LHFPL3: variants seen among roughly 807,000 people sequenced by gnomAD.
LHFPL3 encodes the protein LHFPL tetraspan subfamily member 3.
In LHFPL3, 5 loss-of-function variants were observed where a neutral mutation model predicts 19.3. The ratio of observed to expected loss-of-function variants is 0.26; its 90% CI spans 0.14 to 0.54. The LOEUF (loss-of-function observed/expected upper bound fraction) is 0.54. Among genes scored for constraint, LHFPL3 ranks in the 20% least tolerant of loss-of-function variants. The pLI is 0.94. For missense variants in LHFPL3, 249 were observed against 307.4 expected, an observed-to-expected ratio of 0.81 and a Z score of 1.42; for synonymous variants, 133 against 126.2, an observed-to-expected ratio of 1.05 and a Z score of -0.36.
chr7:104,453,483 A>AAGAC (rs1344633562), intron 1 of LHFPL3, among the ~76,000 whole-genome samples: 1 of 152,166 alleles, frequency 6.6e-6, no homozygotes, highest in East Asian at 1.9e-4. Flanking sequence ...GTCCTTGAGA[A>AAGAC]AGACATTCCT....
intron 1 of LHFPL3, among the ~76,000 whole-genome samples, chr7:104,695,524 C>T (rs1350004880): frequency 1.3e-5 from 2 of 152,148 alleles, no homozygotes; most frequent in Non-Finnish European, 2.9e-5. Flanking sequence ...TGAACAGGAA[C>T]AAATATCCTA....
At chr7:104,460,292 A>G (rs763434549) in intron 1 of LHFPL3, among the ~76,000 whole-genome samples, 5 of 152,172 alleles carry the variant, frequency 3.3e-5, no homozygotes, top group Non-Finnish European at 5.9e-5. Context: ...GCTATTGTGA[A>G]TAGTACTACA....
At chr7:104,883,490 C>T (rs1397264155) in intron 2 of LHFPL3, among the ~76,000 whole-genome samples, 1 of 152,050 alleles carries the variant, frequency 6.6e-6, no homozygotes, top group Non-Finnish European at 1.5e-5. Flanking sequence ...AAAAGCAGGC[C>T]TAGTAGAATA....
intron 2 of LHFPL3, among the ~76,000 whole-genome samples, chr7:104,883,193 A>G (rs1232399216): frequency 6.6e-6 from 1 of 152,212 alleles, no homozygotes; most frequent in African/African-American, 2.4e-5. Flanking sequence ...CTCCCAAAGC[A>G]TTTTCTAACC....
chr7:104,524,186 C>T (rs187211844), intron 1 of LHFPL3, among the ~76,000 whole-genome samples: 1 of 152,186 alleles, frequency 6.6e-6, no homozygotes, highest in East Asian at 1.9e-4. Flanking sequence ...AGAAGTTAGA[C>T]AAGGCAAGAA....
chr7:104,429,361 G>A (rs1425317688), intron 1 of LHFPL3, among the ~76,000 whole-genome samples: 1 of 143,178 alleles, frequency 7.0e-6, no homozygotes, highest in Non-Finnish European at 1.5e-5. Context: ...AGGCTGGAGT[G>A]CAATGGTGCA....
intron 1 of LHFPL3, among the ~76,000 whole-genome samples, chr7:104,430,396 A>ATG (rs1791950423): frequency 9.4e-5 from 4 of 42,598 alleles, no homozygotes; most frequent in African/African-American, 7.9e-4. Context: ...ATATATATAT[A>ATG]TATATATACA....
intron 1 of LHFPL3, among the ~76,000 whole-genome samples, chr7:104,654,751 A>T (rs1436911825): frequency 6.6e-6 from 1 of 152,138 alleles, no homozygotes; most frequent in East Asian, 1.9e-4. Context: ...GAAAATGAAG[A>T]GCTGAGCAGT....
rs535155613 is a variant in LHFPL3, at chr7:104,676,313, A to C, written c.446-60362A>C. Among the ~76,000 whole-genome samples the C allele has an allele frequency of 6.4e-4, 97 of 152,360 alleles. No individual in the cohort carries two copies. The Middle Eastern group carries it at 0.01, about 16-fold the overall frequency. On this transcript the variant is annotated intron_variant, in intron 1 of 2. Coordinates refer to ENST00000424859, the MANE Select transcript of LHFPL3 (RefSeq NM_199000.3). ...CATAGAAATAACTTAAAAATCTTTAACAGTAACACTAACACATCAATAGAG... is the reference window on the plus strand; with the variant it reads ...CATAGAAATAACTTAAAAATCTTTACCAGTAACACTAACACATCAATAGAG...
intron 1 of LHFPL3, among the ~76,000 whole-genome samples, chr7:104,522,466 G>A (rs1016540445): frequency 6.6e-5 from 10 of 151,540 alleles, no homozygotes; most frequent in African/African-American, 2.4e-4. Flanking sequence ...CAGCGCACCA[G>A]CATGGCACAT....
At chr7:104,849,529 G>A (rs1562813821) in intron 2 of LHFPL3, among the ~76,000 whole-genome samples, 2 of 148,248 alleles carry the variant, frequency 1.3e-5, no homozygotes, top group African/African-American at 5.1e-5. Flanking sequence ...AGTGACATGC[G>A]GCAGATTAAT....
chr7:104,748,763 C>T (rs186368538), intron 2 of LHFPL3, among the ~76,000 whole-genome samples: 1,708 of 152,216 alleles, frequency 0.011, 31 homozygotes, highest in African/African-American at 0.038. Flanking sequence ...ATATGCTGAA[C>T]GCTGGTTCCC....
Position 104,328,915 on chromosome 7 carries a change from T to C in LHFPL3, c.136T>C (p.Cys46Arg). The change falls in exon 1 of 3, where the codon TGC (cysteine) becomes CGC (arginine). Residue 46 changes from cysteine to arginine, a missense_variant. Physicochemically the swap from Cys to Arg is radical, Grantham distance 180. Transcript: ENST00000424859. This position sits in a 1 kb window ranked among gnomAD's most constrained non-coding sequence, Gnocchi z 4.6. ...IGVLWAIFTI[C>R]FAIVNVVCFI... ...CGTGCTGTGGGCCATCTTCACCATC[T>C]GCTTTGCCATCGTCAACGTGGTGTG... The C allele has an allele frequency of 6.2e-7, 1 of 1,614,202 alleles. No homozygotes were observed. The highest frequency in any genetic ancestry group is 8.5e-7 in the Non-Finnish European group (1 of 1,180,026).
At chr7:104,856,800 G>A (rs1272285125) in intron 2 of LHFPL3, among the ~76,000 whole-genome samples, 1 of 152,130 alleles carries the variant, frequency 6.6e-6, no homozygotes, top group East Asian at 1.9e-4. Flanking sequence ...CCTGGGTACT[G>A]TGTATTATAG....
chr7:104,586,825 G>T (rs541074244), intron 1 of LHFPL3, among the ~76,000 whole-genome samples: 1 of 152,140 alleles, frequency 6.6e-6, no homozygotes, highest in East Asian at 1.9e-4. Flanking sequence ...TTCTGGCCAA[G>T]CACATTAACA....
chr7:104,668,093 C>A, intron 1 of LHFPL3: 2 of 1,613,858 alleles, frequency 1.2e-6, no homozygotes, highest in East Asian at 4.5e-5. Flanking sequence ...TTAAGGAATT[C>A]TTTCGAGGAT....
At chr7:104,481,941 C>T (rs768464788) in intron 1 of LHFPL3, among the ~76,000 whole-genome samples, 10 of 152,118 alleles carry the variant, frequency 6.6e-5, no homozygotes, top group East Asian at 1.9e-4. Context: ...ACCTCTGTAA[C>T]GATGCATCTA....
intron 1 of LHFPL3, among the ~76,000 whole-genome samples, chr7:104,582,872 A>G (rs1310561627): frequency 1.3e-5 from 2 of 151,924 alleles, no homozygotes; most frequent in African/African-American, 2.4e-5. Context: ...CATCTAGTAT[A>G]TATTATTTTT....
At position 104,328,661 on chromosome 7, in the gene LHFPL3, C is replaced by T. The variant is rs1801508232; in HGVS notation, c.-119C>T. 2.3e-6 allele frequency: 2 copies of T among 852,498 alleles called. No individual in the cohort carries two copies. The highest frequency in any genetic ancestry group is 5.3e-5 in the East Asian group (2 of 37,744). 52.8% of individuals were successfully genotyped at this position (852,498 alleles called of 1,614,324 possible). On this transcript the variant is annotated 5_prime_UTR_variant, in exon 1 of 3. Coordinates refer to ENST00000424859, the MANE Select transcript of LHFPL3 (RefSeq NM_199000.3). The surrounding 1 kb of genome is among the most constrained non-coding windows in gnomAD (Gnocchi z 4.6). The stretch of plus-strand genomic sequence containing the variant: ...AGACTCTGAAACTGGTGCTGCTGGG[C>T]TGAGGCGGAGGCAGGGGAGTTGCAG...
Sources: allele counts gnomAD v4.1 joint callset (sites outside exome capture counted in the v4.1 genomes callset), GRCh38; gene constraint gnomAD v4.1.1; non-coding constraint Gnocchi (gnomAD v3.1); transcripts MANE v1.5; gene names NCBI Gene and HGNC (gene_info 2026-07-23, HGNC 2026-07-21).